The following TRIM36 variants were observed in gnomAD, a reference collection of about 807,000 sequenced individuals.
TRIM36 encodes the protein E3 ubiquitin-protein ligase TRIM36.
A neutral mutation model predicts 72.4 loss-of-function variants in TRIM36; 42 were observed. The ratio of observed to expected loss-of-function variants is 0.58; its 90% CI spans 0.45 to 0.75. The LOEUF (loss-of-function observed/expected upper bound fraction) is 0.75, where lower values mean the gene tolerates loss of function less well. TRIM36 is among the 30% of genes least tolerant of loss of function. TRIM36 has a pLI of 0.00. For synonymous variants in TRIM36, 315 were observed against 282.8 expected (o/e 1.11, Z -1.14); for missense variants, 913 against 857.1 (o/e 1.07, Z -0.81).
intron 2 of TRIM36, among the ~76,000 whole-genome samples, chr5:115,157,311 C>A (rs747389237): frequency 2.6e-5 from 4 of 152,052 alleles, no homozygotes; most frequent in Non-Finnish European, 4.4e-5. Flanking sequence ...ACCTGTAATC[C>A]CAACATTTTG....
chr5:115,137,794 T>C (rs1251918456), intron 5 of TRIM36, among the ~76,000 whole-genome samples, 178 bp from the exon 6 acceptor site: 1 of 152,232 alleles, frequency 6.6e-6, no homozygotes, highest in African/African-American at 2.4e-5. Flanking sequence ...TTTATCTAAC[T>C]CTGAAATTTT....
rs1175223613 is a variant in TRIM36 at position 115,137,618 on chromosome 5, T to A, written c.832-2A>T. 5 of 1,581,534 alleles carry A rather than the reference T, an allele frequency of 3.2e-6. No homozygotes were observed. Among genetic ancestry groups the A allele is most frequent in the Admixed American group, 3.7e-5 (2 of 53,438 alleles). The stretch of plus-strand genomic sequence containing the variant: ...TTCTTTAGCCCTCTCTCCATTACAC[T>A]AAGAAAAAACAGTATCTCCATTACA... On this transcript the variant is annotated splice_acceptor_variant, in intron 5 of 9. Transcript: ENST00000513154. LOFTEE classifies it high-confidence loss of function.
chr5:115,136,699 C>A (rs1438802993), intron 7 of TRIM36, among the ~76,000 whole-genome samples: 1 of 151,994 alleles, frequency 6.6e-6, no homozygotes, highest in Non-Finnish European at 1.5e-5. Context: ...TTGCTTTACA[C>A]CAAAATTTCA....
chr5:115,164,095 A>G (rs1754633768), intron 1 of TRIM36, among the ~76,000 whole-genome samples: 2 of 152,224 alleles, frequency 1.3e-5, no homozygotes, highest in South Asian at 4.1e-4. Flanking sequence ...TCCTAAAAGT[A>G]GATCATGTCA....
chr5:115,137,227 TTAAAG>T, intron 6 of TRIM36, 103 bp from the exon 7 acceptor site: 1 of 1,475,106 alleles, frequency 6.8e-7, no homozygotes, highest in Non-Finnish European at 9.0e-7. Flanking sequence ...TCACTCAAAA[TTAAAG>T]TTAAGAATGA....
At chr5:115,128,090 G>GGT (rs750862311) in intron 9 of TRIM36, among the ~76,000 whole-genome samples, 9 of 30,848 alleles carry the variant, frequency 2.9e-4, no homozygotes, top group Non-Finnish European at 1.9e-4. Flanking sequence ...AAAAAAAATT[G>GGT]GGGGGGGCCA....
At chr5:115,161,046 C>A (rs944810746) in intron 2 of TRIM36, among the ~76,000 whole-genome samples, 39 of 152,202 alleles carry the variant, frequency 2.6e-4, no homozygotes, top group African/African-American at 8.7e-4. Flanking sequence ...ATTAAAACCT[C>A]CAGGAATGAT....
intron 2 of TRIM36, chr5:115,149,567 T>C (rs1258994427): frequency 1.6e-5 from 1 of 63,176 alleles, no homozygotes; most frequent in African/African-American, 1.1e-4. Flanking sequence ...CCTCAGAAAT[T>C]TGAAAAAAAA....
chr5:115,124,942 G>A lies in TRIM36; in HGVS notation c.*1561C>T, dbSNP rs1752306543. The stretch of plus-strand genomic sequence containing the variant: ...CAAATGTGACTTTAGCAGCTTTATT[G>A]CATAATGATCCACATAACGCTGCAT... On this transcript the variant is annotated 3_prime_UTR_variant, in exon 10 of 10. Coordinates refer to ENST00000513154, the MANE Select transcript of TRIM36 (RefSeq NM_001300759.2). 6.6e-6 allele frequency: 1 copy of A among 152,438 alleles called. No individual in the cohort carries two copies. The highest frequency in any genetic ancestry group is 1.5e-5 in the Non-Finnish European group (1 of 67,914). The allele number at this position is 152,438 out of a possible 1,614,324, so 9.4% of individuals were successfully genotyped here. A position where few individuals can be genotyped will look rare whatever the true frequency, so the allele number is the denominator to read the frequency against.
At chr5:115,153,716 G>A (rs917914490) in intron 2 of TRIM36, 1 of 152,266 alleles carries the variant, frequency 6.6e-6, no homozygotes. Flanking sequence ...ATGTTGTCCA[G>A]GCTGGTCTCG....
At chr5:115,176,151 A>G (rs543081544) in intron 1 of TRIM36, among the ~76,000 whole-genome samples, 1 of 152,180 alleles carries the variant, frequency 6.6e-6, no homozygotes, top group East Asian at 1.9e-4. Context: ...TAAAAATAAA[A>G]ATACTTATGC....
At chr5:115,134,228 T>C in intron 7 of TRIM36, 81 bp from the exon 8 acceptor site, 4 of 1,300,160 alleles carry the variant, frequency 3.1e-6, no homozygotes, top group Non-Finnish European at 4.1e-6. Context: ...AAATGACATA[T>C]AAACAGTATT....
At chr5:115,137,642 C>A in intron 5 of TRIM36, 26 bp from the exon 6 acceptor site, 1 of 1,539,282 alleles carries the variant, frequency 6.5e-7, no homozygotes, top group South Asian at 1.3e-5. Context: ...ATCTCCATTA[C>A]ACTAAGATAA....
chr5:115,148,888 C>T lies in TRIM36; in HGVS notation c.263-1494G>A, dbSNP rs528578186. The T allele has an allele frequency of 3.3e-5, 5 of 152,128 alleles. No individual in the cohort carries two copies. In the South Asian group the frequency reaches 8.3e-4, roughly 25 times the overall value. 9.4% of individuals were successfully genotyped at this position (152,128 alleles called of 1,614,324 possible). On this transcript the variant is annotated intron_variant, in intron 2 of 9. Coordinates refer to ENST00000513154, the MANE Select transcript of TRIM36 (RefSeq NM_001300759.2). ...TCTTTAAACAGCTACATCAATATACCCTTTGCATATAACTGTCATCACTCA... is the reference window on the plus strand; with the variant it reads ...TCTTTAAACAGCTACATCAATATACTCTTTGCATATAACTGTCATCACTCA...
chr5:115,126,981 A>G, intron 9 of TRIM36, 124 bp from the exon 10 acceptor site: 1 of 993,024 alleles, frequency 1.0e-6, no homozygotes, highest in Non-Finnish European at 1.4e-6. Flanking sequence ...GCTTTCTATT[A>G]AAACAAAATC....
intron 7 of TRIM36, among the ~76,000 whole-genome samples, chr5:115,136,462 C>T (rs1385835691): frequency 6.6e-6 from 1 of 152,150 alleles, no homozygotes; most frequent in East Asian, 1.9e-4. Flanking sequence ...GTCACTCAGT[C>T]TATGGTACTT....
intron 5 of TRIM36, among the ~76,000 whole-genome samples, chr5:115,138,198 C>G (rs1753067916): frequency 6.6e-6 from 1 of 152,154 alleles, no homozygotes; most frequent in Non-Finnish European, 1.5e-5. Context: ...CTTCTGGGTT[C>G]AGGTGATTCT....
At position 115,169,770 on chromosome 5, in the gene TRIM36, G is replaced by A. The variant is rs1480524631; in HGVS notation, c.-136C>T. 6.7e-6 allele frequency: 9 copies of A among 1,336,856 alleles called. No homozygotes were observed. The highest frequency in any genetic ancestry group is 6.1e-5 in the Admixed American group (2 of 33,042). The allele number at this position is 1,336,856 out of a possible 1,614,324, so 82.8% of individuals were successfully genotyped here. Reference sequence around the variant, plus strand: ...TGGAAGATGAGCTGGTCAGCTGTACGTGGCCAGCGGACCGACGCGGGGAGA... The same window carrying A: ...TGGAAGATGAGCTGGTCAGCTGTACATGGCCAGCGGACCGACGCGGGGAGA... On this transcript the variant is annotated 5_prime_UTR_variant, in exon 1 of 10. The change creates a new upstream start codon in the 5' untranslated region. Transcript: ENST00000513154.
chr5:115,180,044 A>G, exon 1 of TRIM36: 1 of 1,613,412 alleles, frequency 6.2e-7, no homozygotes, highest in Non-Finnish European at 8.5e-7. Flanking sequence ...ACATGTTTAC[A>G]CCCCTTCACA....
Sources: allele counts gnomAD v4.1 joint callset (sites outside exome capture counted in the v4.1 genomes callset), GRCh38; gene constraint gnomAD v4.1.1; transcripts MANE v1.5; gene names NCBI Gene and HGNC (gene_info 2026-07-23, HGNC 2026-07-21).